Variants in PKHD1 observed in about 807,000 individuals in gnomAD.
The protein encoded by PKHD1 is fibrocystin.
A neutral mutation model predicts 412.0 loss-of-function variants in PKHD1; 291 were observed. The observed-to-expected ratio is 0.71, with a 90% CI of 0.64 to 0.78. PKHD1 has a LOEUF of 0.78. PKHD1 is among the 30% of genes least tolerant of loss of function. The probability of loss-of-function intolerance (pLI) is 0.00; values close to 1 mark genes in which losing one functional copy is unlikely to be tolerated. For synonymous variants in PKHD1, 1,777 were observed against 1,821.5 expected (o/e 0.98, Z 0.62); for missense variants, 4,825 against 4,950.7 (o/e 0.97, Z 0.76).
rs374110822 is a variant in PKHD1, at chr6:52,035,582, T to G, written c.3228+9A>C. The G allele has an allele frequency of 1.2e-6, 2 of 1,612,886 alleles. No homozygotes were observed. The highest frequency in any genetic ancestry group is 1.7e-6 in the Non-Finnish European group (2 of 1,178,908). Reference sequence around the variant, plus strand: ...CAGAGAGAAAGAGATATGAAAGGAATCCACTTACCCTGGGTGGAACTTTGC... The same window carrying G: ...CAGAGAGAAAGAGATATGAAAGGAAGCCACTTACCCTGGGTGGAACTTTGC... On this transcript the variant is annotated intron_variant, in intron 28 of 66. Transcript: ENST00000371117.
intron 52 of PKHD1, among the ~76,000 whole-genome samples, chr6:51,812,733 A>G (rs1764884375): frequency 1.3e-5 from 2 of 152,294 alleles, no homozygotes; most frequent in South Asian, 4.1e-4. Flanking sequence ...TTCCATCTCC[A>G]GGTCTTTTTT....
At chr6:51,797,369 T>C (rs1290137256) in intron 52 of PKHD1, among the ~76,000 whole-genome samples, 1 of 152,196 alleles carries the variant, frequency 6.6e-6, no homozygotes, top group Non-Finnish European at 1.5e-5. Context: ...ATTTTGTGTC[T>C]AAATTATCTG....
chr6:51,692,482 T>C (rs889982585), intron 60 of PKHD1, among the ~76,000 whole-genome samples: 1 of 152,162 alleles, frequency 6.6e-6, no homozygotes, highest in African/African-American at 2.4e-5. Flanking sequence ...GAGGACACTT[T>C]TACCAAAACC....
At chr6:51,874,712 A>G (rs1776564559) in intron 46 of PKHD1, among the ~76,000 whole-genome samples, 1 of 151,764 alleles carries the variant, frequency 6.6e-6, no homozygotes, top group Non-Finnish European at 1.5e-5. Context: ...GCGGATCACG[A>G]GGTCAGGAGA....
intron 35 of PKHD1, among the ~76,000 whole-genome samples, chr6:51,978,913 A>AT (rs1267639998): frequency 6.6e-6 from 1 of 152,108 alleles, no homozygotes; most frequent in African/African-American, 2.4e-5. Flanking sequence ...AAATGGATGG[A>AT]TATCTCCATT....
Position 51,775,880 on chromosome 6 carries a change from T to G in PKHD1, c.8482A>C (p.Ile2828Leu). The change falls in exon 54 of 67, where the codon ATT becomes CTT. Residue 2828 changes from isoleucine (I) to leucine (L), a missense_variant. Physicochemically the swap from Ile to Leu is conservative, Grantham distance 5. Coordinates refer to ENST00000371117, the MANE Select transcript of PKHD1 (RefSeq NM_138694.4). ...NPLEKEQKLLILLRASEGVFC... is the reference protein window; with the variant it reads ...NPLEKEQKLLLLLRASEGVFC... ...ACTCCCTCTGAGGCTCTAAGGAGAATCAGAAGCTTTTGTTCCTTTTCTAAG... is the reference window on the plus strand; with the variant it reads ...ACTCCCTCTGAGGCTCTAAGGAGAAGCAGAAGCTTTTGTTCCTTTTCTAAG... 6.3e-7 allele frequency: 1 copy of G among 1,599,076 alleles called. No individual in the cohort carries two copies. The highest frequency in any genetic ancestry group is 1.3e-5 in the African/African-American group (1 of 74,724).
chr6:51,772,815 G>A (rs745505229), intron 54 of PKHD1, 26 bp from the exon 55 acceptor site: 1 of 1,293,158 alleles, frequency 7.7e-7, no homozygotes, highest in African/African-American at 1.5e-5. Flanking sequence ...GTAACAGTTG[G>A]ATAGAAAAAT....
rs376313371 is a variant in PKHD1, at chr6:51,981,926, C to T, written c.5752-21900G>A. ...CTAGGAAGTGAGGAGCGTCTCTGCC[C>T]GGCCGCCCATCGTCTGAGATGTGGG... On this transcript the variant is annotated intron_variant, in intron 35 of 66. Transcript: ENST00000371117. Among the ~76,000 whole-genome samples the T allele has an allele frequency of 1.4e-3, 123 of 86,808 alleles. 9 individuals are homozygous for T. The highest frequency in any genetic ancestry group is 3.1e-3 in the African/African-American group (101 of 32,078). The allele number at this position is 86,808 out of a possible 152,430, so 56.9% of individuals were successfully genotyped here. A position where few individuals can be genotyped will look rare whatever the true frequency, so the allele number is the denominator to read the frequency against.
intron 60 of PKHD1, among the ~76,000 whole-genome samples, chr6:51,690,271 CAAAAAAAAAAAAAAAAA>C (rs70977310): frequency 9.1e-6 from 1 of 109,918 alleles, no homozygotes; most frequent in Non-Finnish European, 1.8e-5. Context: ...GACTCCATCT[CAAAAAAAAAAAAAAAAA>C]AAAAAAAAAA....
chr6:51,874,919 G>A (rs1044954924), intron 46 of PKHD1, among the ~76,000 whole-genome samples: 1 of 84,192 alleles, frequency 1.2e-5, no homozygotes, highest in Non-Finnish European at 2.1e-5. Context: ...CCGTGCGCGA[G>A]CCGAAGCAGG....
chr6:51,997,074 T>C (rs1452233780), intron 35 of PKHD1, among the ~76,000 whole-genome samples: 1 of 152,172 alleles, frequency 6.6e-6, no homozygotes, highest in Non-Finnish European at 1.5e-5. Flanking sequence ...GACATATTTG[T>C]TGGGGGGTTC....
intron 13 of PKHD1, among the ~76,000 whole-genome samples, chr6:52,063,639 T>C (rs954620648): frequency 6.6e-6 from 1 of 152,184 alleles, no homozygotes; most frequent in African/African-American, 2.4e-5. Flanking sequence ...GTAACTGTTG[T>C]GAGGGGGTGT....
In PKHD1 at chr6:52,069,592, G is replaced by A. The variant is rs374353534; in HGVS notation, c.708-65C>T. The A allele has an allele frequency of 3.8e-4, 468 of 1,234,620 alleles. 1 individual carries two copies. In the South Asian group the frequency reaches 3.9e-3, roughly 10 times the overall value. The allele number at this position is 1,234,620 out of a possible 1,614,324, so 76.5% of individuals were successfully genotyped here. On this transcript the variant is annotated intron_variant, in intron 10 of 66. Coordinates refer to ENST00000371117, the MANE Select transcript of PKHD1 (RefSeq NM_138694.4). ...AACTGGGATTGCATTTTTTTTAGTC[G>A]GCTGCCTGAAAGGAAGATTGGGAAC...
chr6:51,679,849 AC>A (rs957215470), intron 60 of PKHD1, among the ~76,000 whole-genome samples: 18 of 152,052 alleles, frequency 1.2e-4, no homozygotes, highest in African/African-American at 4.3e-4. Flanking sequence ...TCATTTCTCC[AC>A]CCTTCCTCTG....
At chr6:51,762,985 A>G (rs906320640) in intron 55 of PKHD1, among the ~76,000 whole-genome samples, 2 of 152,078 alleles carry the variant, frequency 1.3e-5, no homozygotes, top group Non-Finnish European at 2.9e-5. Flanking sequence ...AAAGGTTTTA[A>G]AGAGAAAGAA....
chr6:52,085,277 A>T (rs1812601942), intron 1 of PKHD1, among the ~76,000 whole-genome samples: 1 of 152,184 alleles, frequency 6.6e-6, no homozygotes, highest in Admixed American at 6.5e-5. Flanking sequence ...CTCATTATTG[A>T]ACAGAAGCTG....
At chr6:51,644,034 C>G (rs897367027) in intron 63 of PKHD1, among the ~76,000 whole-genome samples, 1 of 151,886 alleles carries the variant, frequency 6.6e-6, no homozygotes, top group East Asian at 1.9e-4. Flanking sequence ...AACAATAAGA[C>G]GAAGCAAGCT....
chr6:51,619,310 C>A lies in PKHD1; in HGVS notation c.11996G>T (p.Trp3999Leu), dbSNP rs113857165. The change falls in exon 67 of 67, where the codon TGG (tryptophan) becomes TTG (leucine). Residue 3999 changes from tryptophan (W) to leucine (L), a missense_variant. Physicochemically the swap from Trp to Leu is moderately conservative, Grantham distance 61 (BLOSUM62 -2). Transcript: ENST00000371117. ...GAGCAACTGCTCTTGGCCCTCCTTCCAGTTCCCAGTCTCTTGCAGGTACAC... is the reference window on the plus strand; with the variant it reads ...GAGCAACTGCTCTTGGCCCTCCTTCAAGTTCCCAGTCTCTTGCAGGTACAC... Reference protein sequence around the residue: ...QQVYLQETGNWKEGQEQLLRY... With the variant: ...QQVYLQETGNLKEGQEQLLRY... 1 of 1,614,270 alleles carries A rather than the reference C, an allele frequency of 6.2e-7. No individual in the cohort carries two copies. Among genetic ancestry groups the A allele is most frequent in the South Asian group, 1.1e-5 (1 of 91,092 alleles).
chr6:51,905,166 T>C (rs1781893658), intron 41 of PKHD1, among the ~76,000 whole-genome samples: 1 of 152,194 alleles, frequency 6.6e-6, no homozygotes, highest in East Asian at 1.9e-4. Context: ...ATTTAACAAA[T>C]ACAGTTATAT....
Sources: gnomAD v4.1 joint callset for allele counts (sites outside exome capture counted in the v4.1 genomes callset) on GRCh38, gnomAD v4.1.1 for gene constraint, MANE v1.5 for transcripts, NCBI Gene and HGNC (gene_info 2026-07-23, HGNC 2026-07-21) for gene names.